Variants in RRAGD observed in about 807,000 individuals in gnomAD.
RRAGD encodes Ras related GTP binding D, also known as ras-related GTP-binding protein D.
RRAGD carries 12 observed loss-of-function variants against 35.5 expected under a neutral mutation model. The ratio of observed to expected loss-of-function variants is 0.34; its 90% confidence interval spans 0.22 to 0.55. The LOEUF is 0.55. Ranked by LOEUF, RRAGD falls within the 20% of genes least tolerant of loss-of-function variation. The pLI, the probability that RRAGD is intolerant of heterozygous loss-of-function variation, is 0.91. For synonymous variants in RRAGD, 155 were observed against 178.9 expected (o/e 0.87, Z 1.07); for missense variants, 324 against 490.1 (o/e 0.66, Z 3.20).
At position 89,391,203 on chromosome 6, in the gene RRAGD, A is replaced by G. The variant is rs190581273; in HGVS notation, c.149-3613T>C. ...AGTTCAAGATCAGCCTGGGCAACAT[A>G]GTAAGACCCCATCTCTACAAAAACT... On this transcript the variant is annotated intron_variant, in intron 1 of 6. Coordinates refer to ENST00000369415, the MANE Select transcript of RRAGD (RefSeq NM_021244.5). Among the ~76,000 whole-genome samples the G allele has an allele frequency of 2.6e-5, 4 of 151,600 alleles. No individual in the cohort carries two copies. In the East Asian group the frequency reaches 7.9e-4, roughly 30 times the overall value.
At chr6:89,397,255 G>C (rs1361087341) in intron 1 of RRAGD, among the ~76,000 whole-genome samples, 1 of 152,156 alleles carries the variant, frequency 6.6e-6, no homozygotes. Flanking sequence ...AGGATGTGGA[G>C]GTACTAGAAC....
rs752957730 is a variant in RRAGD, at chr6:89,380,244, T to C, written c.568A>G (p.Ile190Val). 8.7e-6 allele frequency: 14 copies of C among 1,614,128 alleles called. No homozygotes were observed. Among genetic ancestry groups the C allele is most frequent in the Non-Finnish European group, 1.2e-5 (14 of 1,180,056 alleles). The change falls in exon 3 of 7, where the codon ATT becomes GTT. Residue 190 changes from isoleucine to valine, a missense_variant. Around this residue, in one of 5 missense-constraint regions of RRAGD, gnomAD observed 152 missense variants for 296.9 expected, o/e 0.51. Coordinates refer to ENST00000369415, the MANE Select transcript of RRAGD (RefSeq NM_021244.5). The stretch of plus-strand genomic sequence containing the variant: ...TGGTGAATATCTCTTTGGGTTTCAA[T>C]TTTGTGGTCATCTGACAGACCATCC... ...KVDGLSDDHK[I>V]ETQRDIHQRA...
Position 89,411,610 on chromosome 6 carries a change from C to T in RRAGD, c.148+236G>A, listed in dbSNP as rs1010260676. 3.6e-6 allele frequency: 2 copies of T among 554,754 alleles called. No individual in the cohort carries two copies. The highest frequency in any genetic ancestry group is 3.2e-6 in the Non-Finnish European group (1 of 313,894). 34.4% of individuals were successfully genotyped at this position (554,754 alleles called of 1,614,324 possible). On this transcript the variant is annotated intron_variant, in intron 1 of 6. Transcript: ENST00000369415. The surrounding 1 kb of genome is among the most constrained non-coding windows in gnomAD (Gnocchi z 5.6). Reference sequence around the variant, plus strand: ...CGCTCCTCCAGCCCAGACGCTTACTCCCTCCTTCCCCTTTTCCACCGATCC... The same window carrying T: ...CGCTCCTCCAGCCCAGACGCTTACTTCCTCCTTCCCCTTTTCCACCGATCC...
At chr6:89,403,806 A>G (rs1769526143) in intron 1 of RRAGD, among the ~76,000 whole-genome samples, 1 of 151,396 alleles carries the variant, frequency 6.6e-6, no homozygotes, top group Admixed American at 6.6e-5. Context: ...ACACCTAGCT[A>G]ATTTTTTCAT....
rs1418868307 is a variant in RRAGD at position 89,411,588 on chromosome 6, T to TCCTCCAGCCCAGACGCTTACTC, written c.148+236_148+257dup. On this transcript the variant is annotated intron_variant, in intron 1 of 6. Transcript: ENST00000369415. This position sits in a 1 kb window ranked among gnomAD's most constrained non-coding sequence, Gnocchi z 5.6. Reference sequence around the variant, plus strand: ...CTCTGAAAGGGGCAGAAGCGCGCGCTCCTCCAGCCCAGACGCTTACTCCCT... The same window carrying TCCTCCAGCCCAGACGCTTACTC: ...CTCTGAAAGGGGCAGAAGCGCGCGCTCCTCCAGCCCAGACGCTTACTCCCTCCAGCCCAGACGCTTACTCCCT... 4 of 513,478 alleles carry TCCTCCAGCCCAGACGCTTACTC rather than the reference T, an allele frequency of 7.8e-6. No homozygotes were observed. Among genetic ancestry groups the TCCTCCAGCCCAGACGCTTACTC allele is most frequent in the Non-Finnish European group, 1.0e-5 (3 of 288,124 alleles). The allele number at this position is 513,478 out of a possible 1,614,324, so 31.8% of individuals were successfully genotyped here.
chr6:89,399,482 G>C (rs181889218), intron 1 of RRAGD, among the ~76,000 whole-genome samples: 8 of 152,278 alleles, frequency 5.3e-5, no homozygotes, highest in Admixed American at 5.2e-4. Context: ...ATGGAAATAC[G>C]CTGTGCAGGC....
At chr6:89,409,153 T>C (rs1769646306) in intron 1 of RRAGD, among the ~76,000 whole-genome samples, 1 of 152,234 alleles carries the variant, frequency 6.6e-6, no homozygotes, top group Non-Finnish European at 1.5e-5. Context: ...GCATACTCGG[T>C]TTAAAAATAA....
In RRAGD at chr6:89,368,217, A is replaced by G; in HGVS notation, c.1052-10T>C. ...TTATAGTCAATTAGCCCTGGAGAAG[A>G]GAACAAAAATATTTATAAATGTCAC... On this transcript the variant is annotated splice_polypyrimidine_tract_variant and intron_variant, in intron 6 of 6. Transcript: ENST00000369415. 6.2e-7 allele frequency: 1 copy of G among 1,605,856 alleles called. No individual in the cohort carries two copies. The highest frequency in any genetic ancestry group is 8.5e-7 in the Non-Finnish European group (1 of 1,177,268).
chr6:89,376,093 G>A (rs575537307), intron 5 of RRAGD, among the ~76,000 whole-genome samples: 8 of 152,186 alleles, frequency 5.3e-5, no homozygotes, highest in African/African-American at 9.6e-5. Flanking sequence ...CCATTTAAAC[G>A]GTTTAAAAAT....
chr6:89,375,933 C>T (rs900284110), intron 5 of RRAGD, among the ~76,000 whole-genome samples: 1 of 152,228 alleles, frequency 6.6e-6, no homozygotes, highest in Non-Finnish European at 1.5e-5. Context: ...CAACTTACCA[C>T]TTACAGCTAA....
Position 89,365,776 on chromosome 6 carries a change from T to A in RRAGD, c.*2280A>T, listed in dbSNP as rs1047014665. The stretch of plus-strand genomic sequence containing the variant: ...ACCCATCATATACCCAGCTTAAACA[T>A]GGAAGCTCCAACCTGGTTATAGTAA... On this transcript the variant is annotated 3_prime_UTR_variant, in exon 7 of 7. Coordinates refer to ENST00000369415, the MANE Select transcript of RRAGD (RefSeq NM_021244.5). 6.6e-6 allele frequency: 1 copy of A among 152,326 alleles called. No individual in the cohort carries two copies. Among genetic ancestry groups the A allele is most frequent in the African/African-American group, 2.4e-5 (1 of 41,582 alleles). The allele number at this position is 152,326 out of a possible 1,614,324, so 9.4% of individuals were successfully genotyped here.
intron 5 of RRAGD, among the ~76,000 whole-genome samples, chr6:89,376,300 G>GGTGTGTGTGT (rs34484330): frequency 2.1e-5 from 3 of 141,772 alleles, no homozygotes; most frequent in Admixed American, 7.3e-5. Context: ...ATGTGTGTGT[G>GGTGTGTGTGT]GTGTGTGTGT....
intron 2 of RRAGD, among the ~76,000 whole-genome samples, chr6:89,382,603 C>T (rs1001423885): frequency 3.3e-5 from 5 of 151,472 alleles, no homozygotes; most frequent in Admixed American, 6.6e-5. Context: ...AGGCCGGGCG[C>T]GGTGGCTCAC....
At chr6:89,401,019 G>A (rs1769449819) in intron 1 of RRAGD, among the ~76,000 whole-genome samples, 1 of 152,212 alleles carries the variant, frequency 6.6e-6, no homozygotes, top group African/African-American at 2.4e-5. Context: ...CCAGCAATCA[G>A]AGGGGAATAC....
intron 1 of RRAGD, among the ~76,000 whole-genome samples, chr6:89,393,028 G>C (rs772002898): frequency 6.6e-6 from 1 of 152,196 alleles, no homozygotes; most frequent in Non-Finnish European, 1.5e-5. Flanking sequence ...GCCATTACAA[G>C]TCAATCTTAG....
rs1257879121 is a variant in RRAGD, at chr6:89,364,938, G to A, written c.*3118C>T. The A allele has an allele frequency of 6.6e-6, 1 of 152,196 alleles. No individual in the cohort carries two copies. The highest frequency in any genetic ancestry group is 1.5e-5 in the Non-Finnish European group (1 of 68,046). The allele number at this position is 152,196 out of a possible 1,614,324, so 9.4% of individuals were successfully genotyped here. On this transcript the variant is annotated 3_prime_UTR_variant, in exon 7 of 7. Transcript: ENST00000369415. ...GCAATGGCTTAACAATGGTTATTAA[G>A]TGATGTACTGCTTAAAGTAAAACAT...
At chr6:89,404,706 C>T (rs1769544073) in intron 1 of RRAGD, among the ~76,000 whole-genome samples, 1 of 152,198 alleles carries the variant, frequency 6.6e-6, no homozygotes, top group South Asian at 2.1e-4. Flanking sequence ...CAAAAACCAA[C>T]AGGCCTTAGT....
chr6:89,372,299 CA>C (rs1420568048), intron 6 of RRAGD, 137 bp downstream of exon 6: 8 of 983,754 alleles, frequency 8.1e-6, no homozygotes, highest in Non-Finnish European at 1.2e-5. Context: ...CTCTGAACTC[CA>C]AGCCAAGAGG....
At chr6:89,387,664 C>T in intron 1 of RRAGD, 74 bp from the exon 2 acceptor site, 4 of 1,339,932 alleles carry the variant, frequency 3.0e-6, no homozygotes, top group Admixed American at 2.0e-5. Context: ...TCACTTCCAC[C>T]TCAAATGTGA....
Sources: allele counts gnomAD v4.1 joint callset (sites outside exome capture counted in the v4.1 genomes callset), GRCh38; gene constraint gnomAD v4.1.1; regional missense constraint gnomAD v4.1.1; non-coding constraint Gnocchi (gnomAD v3.1); transcripts MANE v1.5; gene names NCBI Gene and HGNC (gene_info 2026-07-23, HGNC 2026-07-21).